Variants in WNK2 observed in about 807,000 individuals in gnomAD.
The protein encoded by WNK2 is serine/threonine-protein kinase WNK2.
In WNK2, 67 loss-of-function variants were observed where a neutral mutation model predicts 192.1. The observed-to-expected ratio is 0.35, with a 90% CI of 0.29 to 0.43. The LOEUF is 0.43. WNK2 is among the 20% of genes least tolerant of loss of function. The probability of loss-of-function intolerance (pLI) is 1.00; values close to 1 mark genes in which losing one functional copy is unlikely to be tolerated. For synonymous variants in WNK2, 1,439 were observed against 1,393.9 expected, an observed-to-expected ratio of 1.03 and a Z score of -0.72; for missense variants, 2,698 against 3,089.7, an observed-to-expected ratio of 0.87 and a Z score of 3.01.
intron 21 of WNK2, among the ~76,000 whole-genome samples, chr9:93,291,049 A>G (rs916312333): frequency 1.3e-5 from 2 of 152,212 alleles, no homozygotes; most frequent in Non-Finnish European, 2.9e-5. Context: ...TCTAGACGCC[A>G]GACTTTAAGA....
In WNK2 at chr9:93,259,092, C is replaced by G. The variant is rs372780113; in HGVS notation, c.2544C>G (p.Pro848=). ...VILPSLAAPL[P]PASPALPLQA... is the part of the protein sequence containing the mutation. ...TGCCGAGCCTCGCTGCCCCACTCCC[C>G]CCTGCGTCCCCAGCCTTGCCTCTGC... The change falls in exon 12 of 30, where the codon CCC becomes CCG. Residue 848 remains proline, a synonymous_variant. Coordinates refer to ENST00000427277, the MANE Select transcript of WNK2 (RefSeq NM_006648.4). The surrounding 1 kb of genome is among the most constrained non-coding windows in gnomAD (Gnocchi z 4.8). 4 of 1,613,128 alleles carry G rather than the reference C, an allele frequency of 2.5e-6. No homozygotes were observed. Among genetic ancestry groups the G allele is most frequent in the Non-Finnish European group, 3.4e-6 (4 of 1,179,728 alleles).
chr9:93,277,080 C>T (rs1193535476), intron 19 of WNK2, among the ~76,000 whole-genome samples: 1 of 151,858 alleles, frequency 6.6e-6, no homozygotes, highest in Non-Finnish European at 1.5e-5. Context: ...TGAGCAGATA[C>T]TTCACCAAAC....
At chr9:93,237,091 G>A (rs1839942372) in intron 5 of WNK2, among the ~76,000 whole-genome samples, 1 of 152,188 alleles carries the variant, frequency 6.6e-6, no homozygotes, top group African/African-American at 2.4e-5. Context: ...AATGGTAGGA[G>A]ACCAGGCTCC....
At chr9:93,293,700 T>C (rs1849750869) in intron 23 of WNK2, among the ~76,000 whole-genome samples, 1 of 152,090 alleles carries the variant, frequency 6.6e-6, no homozygotes, top group South Asian at 2.1e-4. Flanking sequence ...CTGCTTGGCT[T>C]CTGGCTTCTC....
chr9:93,252,950 C>G lies in WNK2; in HGVS notation c.1902C>G (p.Ser634Arg). ...VYSDSQSSQQ[S>R]VMLGSLADAA... The stretch of plus-strand genomic sequence containing the variant: ...CAGACTCGCAGAGCAGCCAGCAGAG[C>G]GTGATGCTTGGCTCCCTTGCCGACG... Residue 634 changes from serine to arginine, a missense_variant, in exon 9 of 30, where the codon AGC becomes AGG. Physicochemically the swap from Ser to Arg is moderately radical, Grantham distance 110 (BLOSUM62 -1). Coordinates refer to ENST00000427277, the MANE Select transcript of WNK2 (RefSeq NM_006648.4). The G allele has an allele frequency of 6.3e-7, 1 of 1,578,168 alleles. No individual in the cohort carries two copies. Among genetic ancestry groups the G allele is most frequent in the Non-Finnish European group, 8.6e-7 (1 of 1,163,180 alleles).
Position 93,300,040 on chromosome 9 carries a change from T to C in WNK2, c.6116-11T>C. 1 of 1,611,462 alleles carries C rather than the reference T, an allele frequency of 6.2e-7. No individual in the cohort carries two copies. The highest frequency in any genetic ancestry group is 8.5e-7 in the Non-Finnish European group (1 of 1,178,224). On this transcript the variant is annotated splice_polypyrimidine_tract_variant and intron_variant, in intron 25 of 29. Coordinates refer to ENST00000427277, the MANE Select transcript of WNK2 (RefSeq NM_006648.4). ...GTCTCTTTGTTTTCTTCCCTTTATATTCATTTGCAGGCTGGACGGTTTACC... is the reference window on the plus strand; with the variant it reads ...GTCTCTTTGTTTTCTTCCCTTTATACTCATTTGCAGGCTGGACGGTTTACC...
At chr9:93,306,693 C>T in intron 26 of WNK2, 84 bp from the exon 27 acceptor site, 2 of 1,565,148 alleles carry the variant, frequency 1.3e-6, no homozygotes, top group Non-Finnish European at 1.8e-6. Flanking sequence ...ACACTGACGA[C>T]TTTTGCTTAG....
At chr9:93,202,244 A>G (rs1044649283) in intron 2 of WNK2, among the ~76,000 whole-genome samples, 5 of 151,604 alleles carry the variant, frequency 3.3e-5, no homozygotes, top group Non-Finnish European at 5.9e-5. Flanking sequence ...GCCCCACTCC[A>G]TGGCTGACCC....
Position 93,292,323 on chromosome 9 carries a change from G to A in WNK2, c.4952G>A (p.Arg1651Lys), listed in dbSNP as rs1433484436. 1.2e-6 allele frequency: 2 copies of A among 1,613,958 alleles called. No individual in the cohort carries two copies. Among genetic ancestry groups the A allele is most frequent in the South Asian group, 2.2e-5 (2 of 91,084 alleles). ...SSSMTAESSP[R>K]SMLGYDRDGR... ...GTTCCCATAGCAGAGTCGTCTCCCAGGAGTATGCTAGGCTATGACAGAGAT... is the reference window on the plus strand; with the variant it reads ...GTTCCCATAGCAGAGTCGTCTCCCAAGAGTATGCTAGGCTATGACAGAGAT... Residue 1651 changes from arginine to lysine, a missense_variant, in exon 22 of 30, where the codon AGG becomes AAG. Arg to Lys is a conservative substitution (Grantham distance 26). Coordinates refer to ENST00000427277, the MANE Select transcript of WNK2 (RefSeq NM_006648.4).
chr9:93,194,842 G>A (rs990039529), intron 2 of WNK2, among the ~76,000 whole-genome samples: 1 of 152,148 alleles, frequency 6.6e-6, no homozygotes, highest in African/African-American at 2.4e-5. Context: ...AACAAACTGT[G>A]GCACATGCAG....
chr9:93,213,743 C>T (rs1286402813), intron 2 of WNK2, among the ~76,000 whole-genome samples: 1 of 151,848 alleles, frequency 6.6e-6, no homozygotes, highest in Non-Finnish European at 1.5e-5. Context: ...AAGCCGAGAT[C>T]ACACCATTGC....
At chr9:93,207,766 C>G (rs1833654370) in intron 2 of WNK2, among the ~76,000 whole-genome samples, 1 of 152,252 alleles carries the variant, frequency 6.6e-6, no homozygotes, top group South Asian at 2.1e-4. Flanking sequence ...CTGCCGGCAC[C>G]CACGCCCTCT....
At chr9:93,249,514 C>A (rs1588171563) in intron 8 of WNK2, among the ~76,000 whole-genome samples, 1 of 152,116 alleles carries the variant, frequency 6.6e-6, no homozygotes, top group South Asian at 2.1e-4. Context: ...TGCTCTGTTG[C>A]CCAGGCTGGA....
At chr9:93,212,647 C>T (rs928017523) in intron 2 of WNK2, among the ~76,000 whole-genome samples, 1 of 152,172 alleles carries the variant, frequency 6.6e-6, no homozygotes, top group Non-Finnish European at 1.5e-5. Flanking sequence ...TCTCCACTTC[C>T]CTCTCTGTAA....
rs1828851057 is a variant in WNK2, at chr9:93,184,291, G to T, written c.-97G>T. Among the ~76,000 whole-genome samples the T allele has an allele frequency of 6.6e-6, 1 of 150,926 alleles. No homozygotes were observed. Among genetic ancestry groups the T allele is most frequent in the African/African-American group, 2.4e-5 (1 of 41,232 alleles). On this transcript the variant is annotated 5_prime_UTR_variant, in exon 1 of 30. Coordinates refer to ENST00000427277, the MANE Select transcript of WNK2 (RefSeq NM_006648.4). ...CGGCCCCCACCCCAGCGCGGACCTC[G>T]CCCGGAACTCGGACCCCGTCCTCGA...
intron 2 of WNK2, among the ~76,000 whole-genome samples, chr9:93,206,036 G>A (rs1053903665): frequency 1.3e-5 from 2 of 152,110 alleles, no homozygotes; most frequent in East Asian, 1.9e-4. Flanking sequence ...GCGGAGCCTC[G>A]GGGCACAATT....
chr9:93,318,686 A>C (rs1358773600), intron 29 of WNK2: 1 of 1,485,562 alleles, frequency 6.7e-7, no homozygotes, highest in Non-Finnish European at 9.0e-7. Context: ...CATGATTTCC[A>C]TGGAGACCTG....
intron 29 of WNK2, chr9:93,318,642 C>A: frequency 6.4e-7 from 1 of 1,565,232 alleles, no homozygotes; most frequent in Admixed American, 1.8e-5. Context: ...GCTGGAGAGG[C>A]TGCCCTCTCT....
intron 19 of WNK2, among the ~76,000 whole-genome samples, chr9:93,285,447 A>C (rs1848316370): frequency 6.6e-6 from 1 of 152,234 alleles, no homozygotes; most frequent in Admixed American, 6.5e-5. Context: ...AACAATCAGA[A>C]AATAAAGAAT....
Sources: allele counts gnomAD v4.1 joint callset (sites outside exome capture counted in the v4.1 genomes callset), GRCh38; gene constraint gnomAD v4.1.1; non-coding constraint Gnocchi (gnomAD v3.1); transcripts MANE v1.5; gene names NCBI Gene and HGNC (gene_info 2026-07-23, HGNC 2026-07-21).